Variants in LIMCH1 observed in about 807,000 individuals in gnomAD.
LIMCH1 encodes LIM and calponin homology domains-containing protein 1.
A neutral mutation model predicts 176.5 loss-of-function variants in LIMCH1; 113 were observed. That is an observed-to-expected ratio of 0.64 (90% CI 0.55 to 0.75). The LOEUF is 0.75. Among genes scored for constraint, LIMCH1 ranks in the 30% least tolerant of loss-of-function variants. LIMCH1 has a pLI of 0.00. For synonymous variants in LIMCH1, 619 were observed against 645.9 expected (o/e 0.96, Z 0.63); for missense variants, 1,674 against 1,814.9 (o/e 0.92, Z 1.41).
intron 1 of LIMCH1, among the ~76,000 whole-genome samples, chr4:41,592,088 A>G (rs1039188325): frequency 2.6e-5 from 4 of 152,214 alleles, no homozygotes; most frequent in African/African-American, 9.6e-5. Flanking sequence ...TCTCCCTCTG[A>G]TAGCACTGCC....
intron 2 of LIMCH1, among the ~76,000 whole-genome samples, chr4:41,517,976 A>T (rs548287764): frequency 2.0e-5 from 3 of 152,276 alleles, no homozygotes; most frequent in Admixed American, 1.3e-4. Flanking sequence ...AACCAAGCTA[A>T]TGAGATGATG....
chr4:41,438,636 G>A (rs2062356101), intron 1 of LIMCH1, among the ~76,000 whole-genome samples: 1 of 152,118 alleles, frequency 6.6e-6, no homozygotes, highest in African/African-American at 2.4e-5. Context: ...ACTGCGCCTG[G>A]CTGGCTTGTG....
intron 2 of LIMCH1, among the ~76,000 whole-genome samples, chr4:41,498,433 G>T (rs2072611621): frequency 6.6e-6 from 1 of 152,168 alleles, no homozygotes; most frequent in African/African-American, 2.4e-5. Context: ...CAGTGGAATG[G>T]CAGTAGATGT....
chr4:41,442,823 A>G (rs2062842774), intron 1 of LIMCH1, among the ~76,000 whole-genome samples: 2 of 152,214 alleles, frequency 1.3e-5, no homozygotes, highest in African/African-American at 4.8e-5. Context: ...TAATTACATT[A>G]TTATACATCA....
chr4:41,548,397 A>G (rs2079898019), intron 1 of LIMCH1, among the ~76,000 whole-genome samples: 1 of 152,156 alleles, frequency 6.6e-6, no homozygotes, highest in South Asian at 2.1e-4. Context: ...TGATAATGAG[A>G]AACTCATCCA....
chr4:41,444,835 G>A (rs995901665), intron 1 of LIMCH1, among the ~76,000 whole-genome samples: 3 of 152,048 alleles, frequency 2.0e-5, no homozygotes, highest in Non-Finnish European at 4.4e-5. Flanking sequence ...CTGCTTATGG[G>A]CAATATTTTG....
chr4:41,613,569 G>C lies in LIMCH1; in HGVS notation c.113G>C (p.Gly38Ala). Reference protein sequence around the residue: ...RSDSLSPPRHGRDDSFDSLDS... With the variant: ...RSDSLSPPRHARDDSFDSLDS... Reference sequence around the variant, plus strand: ...GACTCCCTCTCTCCTCCTCGCCACGGCAGAGATGATTCCTTCGACAGCCTG... The same window carrying C: ...GACTCCCTCTCTCCTCCTCGCCACGCCAGAGATGATTCCTTCGACAGCCTG... Residue 38 changes from glycine (G) to alanine (A), a missense_variant, in exon 5 of 32, where the codon GGC becomes GCC. Physicochemically the swap from Gly to Ala is moderately conservative, Grantham distance 60 (BLOSUM62 0). Around this residue, in one of 3 missense-constraint regions of LIMCH1, gnomAD observed 655 missense variants for 692.2 expected, o/e 0.95. Coordinates refer to ENST00000503057, the MANE Select transcript of LIMCH1 (RefSeq NM_001330672.2). 1 of 1,614,114 alleles carries C rather than the reference G, an allele frequency of 6.2e-7. No individual in the cohort carries two copies. Among genetic ancestry groups the C allele is most frequent in the South Asian group, 1.1e-5 (1 of 91,070 alleles).
intron 18 of LIMCH1, among the ~76,000 whole-genome samples, chr4:41,651,553 A>G (rs1406986627): frequency 6.6e-6 from 1 of 152,234 alleles, no homozygotes; most frequent in Non-Finnish European, 1.5e-5. Context: ...ATTGGTGTCC[A>G]GTGTTATAGA....
intron 1 of LIMCH1, among the ~76,000 whole-genome samples, chr4:41,400,352 A>G (rs56111613): frequency 0.035 from 5,316 of 152,282 alleles, 293 homozygotes; most frequent in African/African-American, 0.12. Flanking sequence ...CCCAAAAACC[A>G]TAAAATGCAT....
At position 41,692,581 on chromosome 4, in the gene LIMCH1, C is replaced by T. The variant is rs1726977852; in HGVS notation, c.4378+197C>T. ...TGGAAGTTATTGCTACAATGTGGAC[C>T]AATTCTTTTTATCCTGAAGTGCATC... On this transcript the variant is annotated intron_variant, in intron 31 of 31. Coordinates refer to ENST00000503057, the MANE Select transcript of LIMCH1 (RefSeq NM_001330672.2). 15 of 507,730 alleles carry T rather than the reference C, an allele frequency of 3.0e-5. No individual in the cohort carries two copies. The South Asian group carries it at 3.3e-4, about 11-fold the overall frequency. 31.5% of individuals were successfully genotyped at this position (507,730 alleles called of 1,614,324 possible). A position where few individuals can be genotyped will look rare whatever the true frequency, so the allele number is the denominator to read the frequency against.
intron 1 of LIMCH1, among the ~76,000 whole-genome samples, chr4:41,474,218 G>A (rs568213526): frequency 6.6e-6 from 1 of 151,288 alleles, no homozygotes; most frequent in South Asian, 2.1e-4. Context: ...GTCAGGCGCG[G>A]TGGCTCACGC....
chr4:41,439,611 C>A (rs973595149), intron 1 of LIMCH1, among the ~76,000 whole-genome samples: 4 of 151,762 alleles, frequency 2.6e-5, no homozygotes, highest in African/African-American at 7.3e-5. Context: ...TAAAAAATTT[C>A]TTAAAAAAGT....
chr4:41,604,834 G>A (rs575845530), intron 3 of LIMCH1, among the ~76,000 whole-genome samples: 15 of 152,164 alleles, frequency 9.9e-5, no homozygotes, highest in Non-Finnish European at 2.1e-4. Context: ...TTTTCCCACA[G>A]AGGTAGAAAA....
rs534538059 is a variant in LIMCH1, at chr4:41,376,596, A to G, written c.96+15660A>G. ...ATAGCAATTGAAAATAATATTAAAT[A>G]TTTATACTTAAAATATATGGGAAAT... is the stretch of plus-strand genomic sequence containing the variant. On this transcript the variant is annotated intron_variant, in intron 1 of 26. Coordinates refer to the LIMCH1 transcript ENST00000313860. Among the ~76,000 whole-genome samples the G allele has an allele frequency of 7.2e-4, 109 of 152,218 alleles. 1 individual carries two copies. The highest frequency in any genetic ancestry group is 2.5e-3 in the African/African-American group (103 of 41,554).
chr4:41,698,746 A>G lies in LIMCH1; in HGVS notation c.*1561A>G, dbSNP rs1054141369. On this transcript the variant is annotated 3_prime_UTR_variant, in exon 32 of 32. Transcript: ENST00000503057. ...TGGGTTCTTTGCATGTGGGTTCCAT[A>G]TAGGTGCAGAAATTTCCTCAGCCAC... 22 of 152,642 alleles carry G rather than the reference A, an allele frequency of 1.4e-4. No homozygotes were observed. Among genetic ancestry groups the G allele is most frequent in the Admixed American group, 1.3e-3 (20 of 15,284 alleles). The allele number at this position is 152,642 out of a possible 1,614,324, so 9.5% of individuals were successfully genotyped here. A position where few individuals can be genotyped will look rare whatever the true frequency, so the allele number is the denominator to read the frequency against.
intron 1 of LIMCH1, among the ~76,000 whole-genome samples, chr4:41,484,439 TTTGA>T (rs1475054465): frequency 2.6e-5 from 4 of 152,268 alleles, no homozygotes; most frequent in Non-Finnish European, 5.9e-5. Flanking sequence ...AGAATTTTGA[TTTGA>T]TTGTTTCTAG....
chr4:41,421,274 G>A (rs1366676959), intron 1 of LIMCH1, among the ~76,000 whole-genome samples: 3 of 152,298 alleles, frequency 2.0e-5, no homozygotes, highest in Non-Finnish European at 4.4e-5. Flanking sequence ...CTCTATGTAA[G>A]CTCCTTAGAG....
At chr4:41,683,728 A>G (rs1280105316) in intron 26 of LIMCH1, among the ~76,000 whole-genome samples, 3 of 152,214 alleles carry the variant, frequency 2.0e-5, no homozygotes, top group Non-Finnish European at 4.4e-5. Context: ...GGCTATGTCC[A>G]GAAACTGTAG....
intron 3 of LIMCH1, among the ~76,000 whole-genome samples, chr4:41,527,752 G>A (rs1345336713): frequency 2.7e-5 from 4 of 150,856 alleles, no homozygotes; most frequent in African/African-American, 9.8e-5. Context: ...GAACCCGGGA[G>A]GCGGAGCTTG....
Sources: gnomAD v4.1 joint callset for allele counts (sites outside exome capture counted in the v4.1 genomes callset) on GRCh38, gnomAD v4.1.1 for gene constraint, gnomAD v4.1.1 regional missense constraint, MANE v1.5 for transcripts, NCBI Gene and HGNC (gene_info 2026-07-23, HGNC 2026-07-21) for gene names.